The following BAZ2B variants were observed in gnomAD, a reference collection of about 807,000 sequenced individuals.
The protein encoded by BAZ2B is bromodomain adjacent to zinc finger domain 2B, also known as bromodomain adjacent to zinc finger domain protein 2B.
Under a neutral mutation model 246.0 loss-of-function variants are expected in BAZ2B, and 91 were observed. The ratio of observed to expected loss-of-function variants is 0.37; its 90% CI spans 0.31 to 0.44. The LOEUF (loss-of-function observed/expected upper bound fraction) is 0.44. Ranked by LOEUF, BAZ2B falls within the 20% of genes least tolerant of loss-of-function variation. The probability of loss-of-function intolerance (pLI) is 1.00; values close to 1 mark genes in which losing one functional copy is unlikely to be tolerated. For synonymous variants in BAZ2B, 855 were observed against 860.0 expected, an observed-to-expected ratio of 0.99 and a Z score of 0.10; for missense variants, 2,332 against 2,533.7, an observed-to-expected ratio of 0.92 and a Z score of 1.71.
At chr2:159,481,766 A>T (rs1441374609) in intron 2 of BAZ2B, among the ~76,000 whole-genome samples, 2 of 151,768 alleles carry the variant, frequency 1.3e-5, no homozygotes, top group Non-Finnish European at 2.9e-5. Context: ...ATTCATCAAA[A>T]GTGTCACAGT....
intron 3 of BAZ2B, among the ~76,000 whole-genome samples, chr2:159,469,795 A>G (rs1276056545): frequency 6.6e-6 from 1 of 152,110 alleles, no homozygotes; most frequent in East Asian, 1.9e-4. Context: ...AACAACAACA[A>G]CAACTTAAAC....
chr2:159,573,167 A>G (rs935662454), intron 1 of BAZ2B, among the ~76,000 whole-genome samples: 1 of 152,308 alleles, frequency 6.6e-6, no homozygotes, highest in Non-Finnish European at 1.5e-5. Flanking sequence ...AATAGCATGA[A>G]AAGTTAAATT....
intron 3 of BAZ2B, among the ~76,000 whole-genome samples, chr2:159,475,991 G>A (rs978250656): frequency 2.0e-5 from 3 of 152,150 alleles, no homozygotes; most frequent in Non-Finnish European, 4.4e-5. Flanking sequence ...CCGCTAGGAG[G>A]TGCCTCCCAG....
At position 159,320,175 on chromosome 2, in the gene BAZ2B, G is replaced by T; in HGVS notation, c.*90C>A. On this transcript the variant is annotated 3_prime_UTR_variant, in exon 37 of 37. Coordinates refer to ENST00000392783, the MANE Select transcript of BAZ2B (RefSeq NM_013450.4). ...AAGGAAAAAGAAAGTCATTATGTAT[G>T]TGCCTTGCACGTTTATGTAAATACA... is the stretch of plus-strand genomic sequence containing the variant. The T allele has an allele frequency of 8.8e-7, 1 of 1,129,966 alleles. No homozygotes were observed. Among genetic ancestry groups the T allele is most frequent in the Non-Finnish European group, 1.2e-6 (1 of 851,886 alleles). 70.0% of individuals were successfully genotyped at this position (1,129,966 alleles called of 1,614,324 possible).
At chr2:159,583,565 C>A (rs542510669) in intron 1 of BAZ2B, among the ~76,000 whole-genome samples, 2 of 152,090 alleles carry the variant, frequency 1.3e-5, no homozygotes, top group African/African-American at 4.8e-5. Context: ...TATTATAGTA[C>A]AATGGCATTC....
At chr2:159,545,942 T>A (rs1220320770) in intron 2 of BAZ2B, among the ~76,000 whole-genome samples, 3 of 152,202 alleles carry the variant, frequency 2.0e-5, no homozygotes, top group Non-Finnish European at 4.4e-5. Context: ...TCCTCTTGCT[T>A]CCAGATCTTA....
At chr2:159,542,178 G>A (rs1049887038) in intron 2 of BAZ2B, among the ~76,000 whole-genome samples, 1 of 152,134 alleles carries the variant, frequency 6.6e-6, no homozygotes, top group African/African-American at 2.4e-5. Flanking sequence ...CAGAGCCTAT[G>A]GAACCTGTAA....
Position 159,453,762 on chromosome 2 carries a change from A to C in BAZ2B, c.185T>G (p.Leu62Arg). ...FRTAGDQPFN[L>R]STVSSAFPMV... Reference sequence around the variant, plus strand: ...TGGGAAGGCACTCGACACTGTGGACAGGTTAAACGGTTGATCCCCAGCTGT... The same window carrying C: ...TGGGAAGGCACTCGACACTGTGGACCGGTTAAACGGTTGATCCCCAGCTGT... The change falls in exon 4 of 37, where the codon CTG (leucine) becomes CGG (arginine). Residue 62 changes from leucine (L) to arginine (R), a missense_variant. Around this residue, in one of 9 missense-constraint regions of BAZ2B, gnomAD observed 242 missense variants for 237.4 expected, o/e 1.02. Coordinates refer to ENST00000392783, the MANE Select transcript of BAZ2B (RefSeq NM_013450.4). 1.2e-6 allele frequency: 2 copies of C among 1,612,396 alleles called. No individual in the cohort carries two copies. The highest frequency in any genetic ancestry group is 8.5e-7 in the Non-Finnish European group (1 of 1,179,172).
chr2:159,647,395 C>T, the BAZ2B span, among the ~76,000 whole-genome samples: 1 of 152,266 alleles, frequency 6.6e-6, no homozygotes, highest in Middle Eastern at 3.4e-3. Flanking sequence ...TTTCCTCTTA[C>T]TCACAGTAGG....
intron 30 of BAZ2B, among the ~76,000 whole-genome samples, chr2:159,348,386 T>C (rs749447171): frequency 2.7e-5 from 4 of 150,384 alleles, no homozygotes; most frequent in Non-Finnish European, 5.9e-5. Flanking sequence ...TCCTCCCATA[T>C]GCTTCAAGTT....
the BAZ2B span, among the ~76,000 whole-genome samples, chr2:159,706,084 A>AACACACACACACACACACAC: frequency 0.025 from 3,751 of 149,708 alleles, 62 homozygotes; most frequent in Non-Finnish European, 0.037. Flanking sequence ...AAACATATAT[A>AACACACACACACACACACAC]ACACACACAC....
At chr2:159,446,135 GAAGA>G (rs2074214314) in intron 6 of BAZ2B, among the ~76,000 whole-genome samples, 1 of 152,070 alleles carries the variant, frequency 6.6e-6, no homozygotes, top group African/African-American at 2.4e-5. Flanking sequence ...AAAGAAAAAA[GAAGA>G]AAGAAGAAGA....
the BAZ2B span, among the ~76,000 whole-genome samples, chr2:159,696,524 C>A: frequency 6.6e-6 from 1 of 152,104 alleles, no homozygotes; most frequent in Non-Finnish European, 1.5e-5. Context: ...TCCCTGTAGT[C>A]TCCTCTGATC....
the BAZ2B span, among the ~76,000 whole-genome samples, chr2:159,700,006 G>A: frequency 6.6e-6 from 1 of 152,110 alleles, no homozygotes; most frequent in African/African-American, 2.4e-5. Flanking sequence ...CTCCCCTCAA[G>A]CCCTTTTTCA....
chr2:159,586,658 T>C (rs1011180886), intron 1 of BAZ2B, among the ~76,000 whole-genome samples: 1 of 152,154 alleles, frequency 6.6e-6, no homozygotes, highest in African/African-American at 2.4e-5. Context: ...TGCTTGAGAC[T>C]AGGAGTTCAA....
intron 2 of BAZ2B, among the ~76,000 whole-genome samples, chr2:159,521,578 A>G (rs1470208053): frequency 6.6e-6 from 1 of 152,080 alleles, no homozygotes; most frequent in Non-Finnish European, 1.5e-5. Context: ...TTCTTTTTGA[A>G]TCGTTTGTTC....
chr2:159,691,369 C>A, the BAZ2B span, among the ~76,000 whole-genome samples: 2 of 152,086 alleles, frequency 1.3e-5, no homozygotes, highest in African/African-American at 4.8e-5. Context: ...TGACCAGAGG[C>A]CTTACCTATA....
At chr2:159,469,171 T>C (rs2077468047) in intron 3 of BAZ2B, among the ~76,000 whole-genome samples, 1 of 151,116 alleles carries the variant, frequency 6.6e-6, no homozygotes, top group Admixed American at 6.6e-5. Flanking sequence ...CAAAAGCTTG[T>C]TCTTAAAAAA....
chr2:159,405,812 T>TA (rs542494546), intron 14 of BAZ2B, among the ~76,000 whole-genome samples: 305 of 146,842 alleles, frequency 2.1e-3, no homozygotes, highest in South Asian at 0.013. Context: ...TCTTAACATA[T>TA]AAAAAAAAAA....
Sources: allele counts gnomAD v4.1 joint callset (sites outside exome capture counted in the v4.1 genomes callset), GRCh38; gene constraint gnomAD v4.1.1; regional missense constraint gnomAD v4.1.1; transcripts MANE v1.5; gene names NCBI Gene and HGNC (gene_info 2026-07-23, HGNC 2026-07-21).